ANK2: variants seen among roughly 807,000 people sequenced by gnomAD.
ANK2 encodes the protein ankyrin-2.
Under a neutral mutation model 360.5 loss-of-function variants are expected in ANK2, and 83 were observed. The ratio of observed to expected loss-of-function variants is 0.23; its 90% CI spans 0.19 to 0.28. The LOEUF is 0.28. Ranked by LOEUF, ANK2 falls within the 10% of genes least tolerant of loss-of-function variation. ANK2 has a pLI of 1.00. For missense variants in ANK2, 4,201 were observed against 4,795.7 expected, an observed-to-expected ratio of 0.88 and a Z score of 3.66; for synonymous variants, 1,740 against 1,759.5, an observed-to-expected ratio of 0.99 and a Z score of 0.28.
At chr4:112,830,907 G>T (rs917389194) in intron 1 of ANK2, among the ~76,000 whole-genome samples, 1 of 152,204 alleles carries the variant, frequency 6.6e-6, no homozygotes. Flanking sequence ...CAGAACGGCT[G>T]GCTGGAGCCA....
the ANK2 span, among the ~76,000 whole-genome samples, chr4:112,728,490 C>T: frequency 6.6e-6 from 1 of 152,016 alleles, no homozygotes; most frequent in South Asian, 2.1e-4. Flanking sequence ...GTGGCTCACC[C>T]TTGTAATCCC....
At chr4:113,047,454 T>A (rs898037942), upstream of ANK2, among the ~76,000 whole-genome samples, 1 of 152,160 alleles carries the variant, frequency 6.6e-6, no homozygotes, top group Non-Finnish European at 1.5e-5. Context: ...ATGATAGTCA[T>A]CCAATAAATA....
At chr4:113,256,858 T>C (rs1586330042) in intron 11 of ANK2, among the ~76,000 whole-genome samples, 1 of 152,344 alleles carries the variant, frequency 6.6e-6, no homozygotes, top group Middle Eastern at 3.4e-3. Flanking sequence ...CCAGATTATA[T>C]GTAATTATGT....
chr4:113,137,164 GGGAGTTCCTTGAATA>G (rs2096458898), intron 1 of ANK2, among the ~76,000 whole-genome samples: 2 of 152,178 alleles, frequency 1.3e-5, no homozygotes, highest in African/African-American at 4.8e-5. Flanking sequence ...GAAGATTATA[GGGAGTTCCTTGAATA>G]GGTCTGAGCT....
intron 4 of ANK2, among the ~76,000 whole-genome samples, chr4:113,206,392 C>T (rs903424810): frequency 3.3e-5 from 5 of 152,286 alleles, no homozygotes; most frequent in Non-Finnish European, 5.9e-5. Context: ...CTTCCAGCTC[C>T]GTCCATGTTC....
chr4:113,042,486 C>T (rs1380676561), intron 2 of ANK2, among the ~76,000 whole-genome samples: 8 of 152,178 alleles, frequency 5.3e-5, no homozygotes, highest in Non-Finnish European at 7.3e-5. Context: ...GACTAATACA[C>T]CTCCCAAAGG....
chr4:113,343,522 C>CT (rs2094506951), intron 34 of ANK2, among the ~76,000 whole-genome samples: 1 of 152,250 alleles, frequency 6.6e-6, no homozygotes, highest in African/African-American at 2.4e-5. Context: ...TAAGTGGCAA[C>CT]TTTTTGTAAT....
intron 2 of ANK2, among the ~76,000 whole-genome samples, chr4:113,013,200 G>A (rs917849892): frequency 2.6e-5 from 4 of 152,212 alleles, no homozygotes; most frequent in East Asian, 1.9e-4. Flanking sequence ...TTTATGATTC[G>A]TTCAGAGTGT....
chr4:113,080,971 T>C (rs2082185607), intron 1 of ANK2, among the ~76,000 whole-genome samples: 1 of 152,272 alleles, frequency 6.6e-6, no homozygotes, highest in Non-Finnish European at 1.5e-5. Flanking sequence ...ACAAGTGCAT[T>C]GAGACTACAA....
At chr4:113,040,297 TA>T (rs1298445006) in intron 2 of ANK2, among the ~76,000 whole-genome samples, 1 of 152,098 alleles carries the variant, frequency 6.6e-6, no homozygotes, top group African/African-American at 2.4e-5. Flanking sequence ...AAATAAGACA[TA>T]GTTAATCACT....
At chr4:112,709,962 T>G in the ANK2 span, among the ~76,000 whole-genome samples, 1 of 152,180 alleles carries the variant, frequency 6.6e-6, no homozygotes, top group Non-Finnish European at 1.5e-5. Flanking sequence ...TCATATCATT[T>G]ATGGCACCAA....
At chr4:113,160,740 C>T (rs113265364) in intron 1 of ANK2, among the ~76,000 whole-genome samples, 2,717 of 152,276 alleles carry the variant, frequency 0.018, 69 homozygotes, top group African/African-American at 0.062. Context: ...GATATAGACA[C>T]GTAAACAGAT....
intron 1 of ANK2, among the ~76,000 whole-genome samples, chr4:112,847,475 A>G (rs1288776024): frequency 1.3e-5 from 2 of 152,108 alleles, no homozygotes; most frequent in Non-Finnish European, 2.9e-5. Flanking sequence ...ACCCTAAAAA[A>G]ACTCTATCTT....
chr4:112,820,481 G>A (rs2056688593), intron 1 of ANK2, among the ~76,000 whole-genome samples: 1 of 152,188 alleles, frequency 6.6e-6, no homozygotes, highest in Non-Finnish European at 1.5e-5. Flanking sequence ...TAAAAATTAG[G>A]TGTTTTTTTC....
intron 2 of ANK2, among the ~76,000 whole-genome samples, chr4:113,020,165 T>C (rs1428742304): frequency 1.3e-5 from 2 of 152,200 alleles, no homozygotes; most frequent in Non-Finnish European, 2.9e-5. Context: ...CTTTTACTTA[T>C]GAAGCAGTTT....
At chr4:113,211,391 A>G (rs1421829653) in intron 4 of ANK2, among the ~76,000 whole-genome samples, 1 of 152,180 alleles carries the variant, frequency 6.6e-6, no homozygotes, top group Non-Finnish European at 1.5e-5. Flanking sequence ...TTTTGGAGTA[A>G]GTCTCCACAG....
intron 1 of ANK2, among the ~76,000 whole-genome samples, chr4:113,060,120 T>C (rs2072414046): frequency 6.6e-6 from 1 of 152,106 alleles, no homozygotes; most frequent in Non-Finnish European, 1.5e-5. Context: ...GAAATGATAC[T>C]AATAGAATGA....
chr4:112,861,189 T>A (rs2067894535), intron 1 of ANK2, among the ~76,000 whole-genome samples: 1 of 152,188 alleles, frequency 6.6e-6, no homozygotes, highest in Non-Finnish European at 1.5e-5. Flanking sequence ...GCCACAGATT[T>A]AAAGAAAAGG....
the ANK2 span, among the ~76,000 whole-genome samples, chr4:112,720,554 C>T: frequency 1.5e-3 from 223 of 152,354 alleles, no homozygotes; most frequent in African/African-American, 5.0e-3. Flanking sequence ...GATCCTGTCA[C>T]TTCCTAATGG....
Sources: gnomAD v4.1 joint callset for allele counts (sites outside exome capture counted in the v4.1 genomes callset) on GRCh38, gnomAD v4.1.1 for gene constraint, MANE v1.5 for transcripts, NCBI Gene and HGNC (gene_info 2026-07-23, HGNC 2026-07-21) for gene names.